The following MTHFD1L variants were observed in gnomAD, a reference collection of about 807,000 sequenced individuals.
MTHFD1L encodes the protein monofunctional C1-tetrahydrofolate synthase, mitochondrial.
Under a neutral mutation model 119.5 loss-of-function variants are expected in MTHFD1L, and 81 were observed. That is an observed-to-expected ratio of 0.68 (90% confidence interval 0.57 to 0.82). The LOEUF is 0.82. Ranked by LOEUF, MTHFD1L falls within the 40% of genes least tolerant of loss-of-function variation. The probability of loss-of-function intolerance (pLI) is 0.00; values close to 1 mark genes in which losing one functional copy is unlikely to be tolerated. For synonymous variants in MTHFD1L, 430 were observed against 475.2 expected, an observed-to-expected ratio of 0.90 and a Z score of 1.24; for missense variants, 1,125 against 1,253.4, an observed-to-expected ratio of 0.90 and a Z score of 1.55.
intron 27 of MTHFD1L, 149 bp downstream of exon 27, chr6:151,092,736 T>A (rs978349814): frequency 1.7e-6 from 1 of 601,684 alleles, no homozygotes; most frequent in Non-Finnish European, 2.9e-6. Flanking sequence ...TGATTTTCCG[T>A]GACTGGAGTT....
intron 20 of MTHFD1L, among the ~76,000 whole-genome samples, chr6:151,000,343 A>G (rs1428998079): frequency 6.7e-6 from 1 of 148,958 alleles, no homozygotes; most frequent in African/African-American, 2.4e-5. Context: ...CTCAAAAAAA[A>G]AAAAAAAAAG....
chr6:150,985,911 A>G (rs1452571766), intron 20 of MTHFD1L, among the ~76,000 whole-genome samples: 2 of 152,184 alleles, frequency 1.3e-5, no homozygotes, highest in Non-Finnish European at 2.9e-5. Flanking sequence ...AACAATGCAG[A>G]GAATCTTCGG....
intron 8 of MTHFD1L, among the ~76,000 whole-genome samples, chr6:150,907,897 A>T (rs1260064814): frequency 2.8e-5 from 4 of 140,892 alleles, no homozygotes; most frequent in South Asian, 2.3e-4. Flanking sequence ...GCTCTGTGAA[A>T]TTTTTTTTTT....
At chr6:151,077,618 T>C (rs1210588021) in intron 26 of MTHFD1L, among the ~76,000 whole-genome samples, 1 of 152,168 alleles carries the variant, frequency 6.6e-6, no homozygotes, top group East Asian at 1.9e-4. Flanking sequence ...GAGGTAGAGG[T>C]TGCAGTGAGC....
intron 4 of MTHFD1L, among the ~76,000 whole-genome samples, chr6:150,881,397 A>G (rs1490218323): frequency 2.0e-5 from 3 of 152,178 alleles, no homozygotes; most frequent in Non-Finnish European, 2.9e-5. Context: ...TTTTTTGACA[A>G]GGAATCATTT....
chr6:150,865,769 G>A lies in MTHFD1L; in HGVS notation c.-54G>A. On this transcript the variant is annotated 5_prime_UTR_variant, in exon 1 of 28. Transcript: ENST00000367321. Reference sequence around the variant, plus strand: ...CGCCTGCTCCCCTGGCACGCGCCCCGCCGCCCTCGGCAGCCGCAGCTCCGT... The same window carrying A: ...CGCCTGCTCCCCTGGCACGCGCCCCACCGCCCTCGGCAGCCGCAGCTCCGT... 3.2e-6 allele frequency: 4 copies of A among 1,230,914 alleles called. No homozygotes were observed. The highest frequency in any genetic ancestry group is 2.1e-5 in the South Asian group (1 of 48,438). The allele number at this position is 1,230,914 out of a possible 1,614,324, so 76.2% of individuals were successfully genotyped here.
chr6:150,865,950 G>T lies in MTHFD1L; in HGVS notation c.128G>T (p.Arg43Leu). 1 of 1,230,312 alleles carries T rather than the reference G, an allele frequency of 8.1e-7. No individual in the cohort carries two copies. Among genetic ancestry groups the T allele is most frequent in the Non-Finnish European group, 1.0e-6 (1 of 989,804 alleles). 76.2% of individuals were successfully genotyped at this position (1,230,312 alleles called of 1,614,324 possible). Residue 43 changes from arginine (R) to leucine (L), a missense_variant, in exon 1 of 28, where the codon CGG becomes CTG. Physicochemically the swap from Arg to Leu is moderately radical, Grantham distance 102 (BLOSUM62 -2). Around this residue, in one of 3 missense-constraint regions of MTHFD1L, gnomAD observed 1,058 missense variants for 1,151.2 expected, o/e 0.92. Transcript: ENST00000367321. ...GGCGGCGGAGGCGGCGGCGGTGGCC[G>T]GGAGGGCCTGCTTGGACAGCGGCGG... ...SGGGGGGGGG[R>L]EGLLGQRRPQ...
chr6:150,886,835 T>A (rs34019022), intron 6 of MTHFD1L, among the ~76,000 whole-genome samples: 9,639 of 149,728 alleles, frequency 0.064, 378 homozygotes, highest in Non-Finnish European at 0.086. Flanking sequence ...CCAAAAAAAA[T>A]TTTTTTTTTA....
intron 9 of MTHFD1L, among the ~76,000 whole-genome samples, chr6:150,921,544 A>C (rs1788945403): frequency 6.6e-6 from 1 of 152,074 alleles, no homozygotes; most frequent in Non-Finnish European, 1.5e-5. Context: ...GAGCCACCTC[A>C]CCTGGCCTAT....
At chr6:150,866,249 C>G (rs1236335896) in intron 1 of MTHFD1L, 200 bp downstream of exon 1, 6 of 1,421,990 alleles carry the variant, frequency 4.2e-6, no homozygotes, top group Non-Finnish European at 5.5e-6. Context: ...AACGGGGGAT[C>G]CAGTACCCGA....
intron 11 of MTHFD1L, among the ~76,000 whole-genome samples, chr6:150,928,826 G>A (rs1356715118): frequency 1.3e-5 from 2 of 152,136 alleles, no homozygotes; most frequent in Non-Finnish European, 2.9e-5. Context: ...TTACAGGTGT[G>A]AGCCATCATG....
intron 20 of MTHFD1L, 58 bp from the exon 21 acceptor site, chr6:151,009,761 C>G (rs1390653212): frequency 1.3e-6 from 2 of 1,599,474 alleles, no homozygotes; most frequent in Non-Finnish European, 1.7e-6. Flanking sequence ...TGGTGATTGC[C>G]AAAACCTACC....
At chr6:150,866,725 C>G (rs1461902043) in intron 1 of MTHFD1L, 2 of 1,083,206 alleles carry the variant, frequency 1.8e-6, no homozygotes, top group African/African-American at 3.3e-5. Context: ...CCCACGGAGT[C>G]CCCGCGCAGC....
chr6:150,928,888 GAA>G (rs1790519426), intron 11 of MTHFD1L, among the ~76,000 whole-genome samples: 1 of 152,078 alleles, frequency 6.6e-6, no homozygotes, highest in Non-Finnish European at 1.5e-5. Flanking sequence ...GGGCCTCTCT[GAA>G]TCCCTCAGCA....
At chr6:151,065,807 G>T (rs1791162615) in intron 26 of MTHFD1L, among the ~76,000 whole-genome samples, 1 of 152,224 alleles carries the variant, frequency 6.6e-6, no homozygotes, top group Admixed American at 6.6e-5. Flanking sequence ...ACATGCGGTG[G>T]CCGCCATGAC....
At chr6:150,930,094 G>C (rs1409969349) in intron 11 of MTHFD1L, among the ~76,000 whole-genome samples, 2 of 152,158 alleles carry the variant, frequency 1.3e-5, no homozygotes, top group Non-Finnish European at 2.9e-5. Flanking sequence ...TTAGATCACA[G>C]GCAACTATTT....
At chr6:150,957,953 A>C (rs548002716) in intron 17 of MTHFD1L, among the ~76,000 whole-genome samples, 2 of 152,166 alleles carry the variant, frequency 1.3e-5, no homozygotes, top group Non-Finnish European at 2.9e-5. Context: ...CTTTCTCTGC[A>C]TAGTTTTTTA....
intron 20 of MTHFD1L, among the ~76,000 whole-genome samples, chr6:150,976,437 T>A (rs78902295): frequency 0.014 from 2,111 of 152,288 alleles, 22 homozygotes; most frequent in South Asian, 0.036. Flanking sequence ...TGACACCAAT[T>A]TGAGGCCCGA....
intron 26 of MTHFD1L, among the ~76,000 whole-genome samples, chr6:151,072,465 C>T (rs536304326): frequency 6.6e-6 from 1 of 152,236 alleles, no homozygotes; most frequent in South Asian, 2.1e-4. Context: ...ACAATATTAT[C>T]TCACCCATTG....
Sources: allele counts gnomAD v4.1 joint callset (sites outside exome capture counted in the v4.1 genomes callset), GRCh38; gene constraint gnomAD v4.1.1; regional missense constraint gnomAD v4.1.1; transcripts MANE v1.5; gene names NCBI Gene and HGNC (gene_info 2026-07-23, HGNC 2026-07-21).